The following ATXN7L1 variants were observed in gnomAD, a reference collection of about 807,000 sequenced individuals.
ATXN7L1 encodes ataxin-7-like protein 1.
In ATXN7L1, 15 loss-of-function variants were observed where a neutral mutation model predicts 70.8. The ratio of observed to expected loss-of-function variants is 0.21; its 90% CI spans 0.14 to 0.33. The LOEUF is 0.33. Ranked by LOEUF, ATXN7L1 falls within the 10% of genes least tolerant of loss-of-function variation. ATXN7L1 has a pLI of 1.00. For missense variants in ATXN7L1, 975 were observed against 1,097.1 expected (o/e 0.89, Z 1.57); for synonymous variants, 440 against 445.1 (o/e 0.99, Z 0.14).
intron 3 of ATXN7L1, among the ~76,000 whole-genome samples, chr7:105,714,633 C>T (rs1389213127): frequency 6.6e-6 from 1 of 152,146 alleles, no homozygotes; most frequent in Non-Finnish European, 1.5e-5. Context: ...GGCAGAAGAG[C>T]TAATGGCATC....
chr7:105,721,739 C>A (rs903350476), intron 3 of ATXN7L1, among the ~76,000 whole-genome samples: 7 of 152,218 alleles, frequency 4.6e-5, no homozygotes, highest in African/African-American at 1.7e-4. Context: ...GCAGTCTCAG[C>A]CTGGCTGCTC....
intron 3 of ATXN7L1, among the ~76,000 whole-genome samples, chr7:105,727,121 T>C (rs1345771020): frequency 6.6e-6 from 1 of 152,176 alleles, no homozygotes; most frequent in Non-Finnish European, 1.5e-5. Flanking sequence ...AGTATACCAA[T>C]GGGCAATTTG....
In ATXN7L1 at chr7:105,772,063, ATTTTT is replaced by A. The variant is rs533366742; in HGVS notation, c.355+16536_355+16540del. ...TATTAAAAGACAATATCAGATTGGA[ATTTTT>A]TTTTTTTTTTTTTTTTTTTTTTTGA... On this transcript the variant is annotated intron_variant, in intron 3 of 11. Coordinates refer to ENST00000419735, the MANE Select transcript of ATXN7L1 (RefSeq NM_020725.2). 4.1e-3 allele frequency among the ~76,000 whole-genome samples: 405 copies of A among 99,796 alleles called. 1 individual carries two copies. The highest frequency in any genetic ancestry group is 0.017 in the African/African-American group (363 of 21,274). 65.5% of individuals were successfully genotyped at this position (99,796 alleles called of 152,430 possible).
rs768694627 is a variant in ATXN7L1, at chr7:105,875,851, C to T, written c.211G>A (p.Gly71Ser). 5.6e-6 allele frequency: 9 copies of T among 1,613,602 alleles called. No individual in the cohort carries two copies. Among genetic ancestry groups the T allele is most frequent in the Admixed American group, 1.7e-5 (1 of 59,980 alleles). Residue 71 changes from glycine (G) to serine (S), a missense_variant, in exon 2 of 12, where the codon GGT (glycine) becomes AGT (serine). Transcript: ENST00000419735. ...NVDLEEAGKE[G>S]GKSREVMRLN... ...CTCATAACCTCCCTGCTTTTTCCAC[C>T]CTCTTTTCCAGCCTCTTCTAAATCT...
chr7:105,731,520 C>T lies in ATXN7L1; in HGVS notation c.355+57084G>A, dbSNP rs532734254. On this transcript the variant is annotated intron_variant, in intron 3 of 11. Transcript: ENST00000419735. Reference sequence around the variant, plus strand: ...TGCGATCTCAGCTCACTGCAACCTCCGCGTCCTGGGTTCAAGCGATTCTCC... The same window carrying T: ...TGCGATCTCAGCTCACTGCAACCTCTGCGTCCTGGGTTCAAGCGATTCTCC... 3.3e-5 allele frequency among the ~76,000 whole-genome samples: 5 copies of T among 151,020 alleles called. No homozygotes were observed. The East Asian group carries it at 5.9e-4, about 18-fold the overall frequency.
At chr7:105,663,984 G>A (rs1802123512) in intron 4 of ATXN7L1, among the ~76,000 whole-genome samples, 1 of 151,960 alleles carries the variant, frequency 6.6e-6, no homozygotes, top group Admixed American at 6.6e-5. Context: ...TGGTCAGGCC[G>A]GTCTTGAACT....
At chr7:105,822,709 G>T (rs919776229) in intron 2 of ATXN7L1, among the ~76,000 whole-genome samples, 17 of 152,216 alleles carry the variant, frequency 1.1e-4, no homozygotes, top group African/African-American at 4.1e-4. Flanking sequence ...CTGAGGCTTA[G>T]AATTAAGTAG....
chr7:105,872,959 C>T (rs1031277540), intron 2 of ATXN7L1, among the ~76,000 whole-genome samples: 16 of 151,938 alleles, frequency 1.1e-4, no homozygotes, highest in African/African-American at 3.6e-4. Context: ...TCGAGACCAT[C>T]CTGGCTAACA....
chr7:105,605,041 G>GTTTT lies in ATXN7L1; in HGVS notation c.*2810_*2811insAAAA, dbSNP rs1792693724. The GTTTT allele has an allele frequency of 1.2e-4, 7 of 58,760 alleles. No individual in the cohort carries two copies. Among genetic ancestry groups the GTTTT allele is most frequent in the East Asian group, 4.3e-4 (1 of 2,324 alleles). 3.6% of individuals were successfully genotyped at this position (58,760 alleles called of 1,614,324 possible). A position where few individuals can be genotyped will look rare whatever the true frequency, so the allele number is the denominator to read the frequency against. On this transcript the variant is annotated 3_prime_UTR_variant, in exon 12 of 12. Coordinates refer to ENST00000419735, the MANE Select transcript of ATXN7L1 (RefSeq NM_020725.2). ...AGAAGGCATACAAGTTATCCAAGTC[G>GTTTT]CTTTTTTTTTTTTTTTTTTTTTTTT...
chr7:105,628,695 A>T (rs1181848381), intron 7 of ATXN7L1, among the ~76,000 whole-genome samples: 1 of 151,910 alleles, frequency 6.6e-6, no homozygotes, highest in Non-Finnish European at 1.5e-5. Context: ...CGGGAGGCTG[A>T]GGCAGGAGAA....
intron 2 of ATXN7L1, among the ~76,000 whole-genome samples, chr7:105,821,583 T>C (rs1012833271): frequency 2.0e-5 from 3 of 152,204 alleles, no homozygotes; most frequent in Admixed American, 1.3e-4. Context: ...GATGAAAATA[T>C]AGAACTCATT....
intron 3 of ATXN7L1, among the ~76,000 whole-genome samples, chr7:105,785,151 C>T (rs1314474789): frequency 6.6e-6 from 1 of 152,208 alleles, no homozygotes; most frequent in East Asian, 1.9e-4. Flanking sequence ...TGTCACAGGG[C>T]TGTTGAAAAG....
At chr7:105,616,603 G>A (rs1793931144) in intron 9 of ATXN7L1, among the ~76,000 whole-genome samples, 1 of 152,218 alleles carries the variant, frequency 6.6e-6, no homozygotes, top group East Asian at 1.9e-4. Context: ...ATGAATGAAT[G>A]AGTGAATGAA....
intron 3 of ATXN7L1, among the ~76,000 whole-genome samples, chr7:105,693,461 G>C (rs1791277987): frequency 6.6e-6 from 1 of 152,122 alleles, no homozygotes; most frequent in African/African-American, 2.4e-5. Context: ...AAAGTGCTGG[G>C]GTTACAGGCT....
intron 4 of ATXN7L1, among the ~76,000 whole-genome samples, chr7:105,648,310 T>G (rs1204502634): frequency 6.6e-6 from 1 of 152,224 alleles, no homozygotes; most frequent in African/African-American, 2.4e-5. Flanking sequence ...GCTTTGGGCT[T>G]TCTCTCTAAG....
chr7:105,658,482 T>C lies in ATXN7L1; in HGVS notation c.578+6584A>G, dbSNP rs114135127. ...GTAAAAATAGGGTATAATCATCTTATGGGACTGCTGTTGACTAAAACGCTG... is the reference window on the plus strand; with the variant it reads ...GTAAAAATAGGGTATAATCATCTTACGGGACTGCTGTTGACTAAAACGCTG... On this transcript the variant is annotated intron_variant, in intron 4 of 11. Transcript: ENST00000419735. Among the ~76,000 whole-genome samples, 1,108 of 151,660 alleles carry C rather than the reference T, an allele frequency of 7.3e-3. 14 individuals carry two copies. Among genetic ancestry groups the C allele is most frequent in the African/African-American group, 0.026 (1,057 of 41,384 alleles).
chr7:105,875,758 C>G, intron 2 of ATXN7L1, 54 bp downstream of exon 2: 1 of 1,529,924 alleles, frequency 6.5e-7, no homozygotes, highest in Non-Finnish European at 9.0e-7. Context: ...ATTCGAAATC[C>G]TGTGAAGATT....
At chr7:105,868,805 A>C (rs1342043628) in intron 2 of ATXN7L1, among the ~76,000 whole-genome samples, 1 of 152,218 alleles carries the variant, frequency 6.6e-6, no homozygotes, top group African/African-American at 2.4e-5. Flanking sequence ...ATCTTCTAGC[A>C]GTAAAAACAT....
intron 4 of ATXN7L1, among the ~76,000 whole-genome samples, chr7:105,653,128 A>T (rs2115991288): frequency 6.6e-6 from 1 of 152,324 alleles, no homozygotes; most frequent in South Asian, 2.1e-4. Context: ...TCTTTGTTCC[A>T]AATTAAATAG....
Sources: gnomAD v4.1 joint callset for allele counts (sites outside exome capture counted in the v4.1 genomes callset) on GRCh38, gnomAD v4.1.1 for gene constraint, MANE v1.5 for transcripts, NCBI Gene and HGNC (gene_info 2026-07-23, HGNC 2026-07-21) for gene names.